The following AGR3 variants were observed in gnomAD, a reference collection of about 807,000 sequenced individuals.
The protein encoded by AGR3 is anterior gradient 3, protein disulphide isomerase family member, also known as anterior gradient protein 3.
A neutral mutation model predicts 24.5 loss-of-function variants in AGR3; 37 were observed. The ratio of observed to expected loss-of-function variants is 1.51; its 90% CI spans 1.16 to 1.99. The LOEUF (loss-of-function observed/expected upper bound fraction) is 1.99, where lower values mean the gene tolerates loss of function less well. Ranked by LOEUF, AGR3 falls within the 30% of genes most tolerant of loss-of-function variation. AGR3 has a pLI of 0.00. For synonymous variants in AGR3, 75 were observed against 61.6 expected, an observed-to-expected ratio of 1.22 and a Z score of -1.02; for missense variants, 228 against 191.1, an observed-to-expected ratio of 1.19 and a Z score of -1.14.
intron 3 of AGR3, chr7:16,864,146 C>T (rs10280750): frequency 0.11 from 62,497 of 566,334 alleles, 5,080 homozygotes; most frequent in East Asian, 0.33. Context: ...ACTACAGGAA[C>T]GGAGAATTAA....
chr7:16,879,652 C>T (rs962088354), intron 1 of AGR3, among the ~76,000 whole-genome samples: 1 of 152,160 alleles, frequency 6.6e-6, no homozygotes, highest in Admixed American at 6.5e-5. Context: ...GAACTCATCA[C>T]CAAAATAGTA....
downstream of AGR3, among the ~76,000 whole-genome samples, chr7:16,856,183 A>G (rs1228422967): frequency 2.0e-5 from 3 of 152,212 alleles, no homozygotes; most frequent in East Asian, 5.8e-4. Flanking sequence ...CTATCTTTGG[A>G]TCCACAATAT....
chr7:16,876,164 C>A (rs190109594), intron 2 of AGR3, among the ~76,000 whole-genome samples: 1 of 152,226 alleles, frequency 6.6e-6, no homozygotes, highest in African/African-American at 2.4e-5. Context: ...AGCCATATTG[C>A]ATTATAATGA....
At chr7:16,876,611 C>T (rs948928606) in intron 2 of AGR3, among the ~76,000 whole-genome samples, 2 of 152,134 alleles carry the variant, frequency 1.3e-5, no homozygotes, top group Non-Finnish European at 2.9e-5. Context: ...TTCTGAGCCT[C>T]ATTCTCTCCA....
Position 16,868,325 on chromosome 7 carries a change from T to C in AGR3, c.173+5455A>G, listed in dbSNP as rs148658562. ...CATGCACCACTATGCCTGGCTAATT[T>C]TGTATTTTTAGTAGAGATGGGGTTT... On this transcript the variant is annotated intron_variant, in intron 3 of 7. Coordinates refer to ENST00000310398, the MANE Select transcript of AGR3 (RefSeq NM_176813.5). 4.8e-3 allele frequency among the ~76,000 whole-genome samples: 736 copies of C among 152,164 alleles called. 1 individual carries two copies. The highest frequency in any genetic ancestry group is 0.017 in the African/African-American group (702 of 41,518).
chr7:16,860,459 T>C lies in AGR3; in HGVS notation c.451+41A>G, dbSNP rs185244593. On this transcript the variant is annotated intron_variant, in intron 7 of 7. Transcript: ENST00000310398. ...CTAGCCCTTAACAAATAGTCAGGGGTCAGCTATGACCACTGTTTGAGATCA... is the reference window on the plus strand; with the variant it reads ...CTAGCCCTTAACAAATAGTCAGGGGCCAGCTATGACCACTGTTTGAGATCA... 565 of 1,437,380 alleles carry C rather than the reference T, an allele frequency of 3.9e-4. 5 individuals are homozygous for C. The East Asian group carries it at 0.011, about 27-fold the overall frequency. The allele number at this position is 1,437,380 out of a possible 1,614,324, so 89.0% of individuals were successfully genotyped here.
chr7:16,873,227 C>T (rs1054229036), intron 3 of AGR3, among the ~76,000 whole-genome samples: 2 of 151,942 alleles, frequency 1.3e-5, no homozygotes, highest in Non-Finnish European at 2.9e-5. Flanking sequence ...ATAAAGAGAA[C>T]ATGTTATATA....
At chr7:16,866,083 A>G (rs1781753225) in intron 3 of AGR3, 2 of 598,030 alleles carry the variant, frequency 3.3e-6, no homozygotes, top group Non-Finnish European at 3.1e-6. Flanking sequence ...TCTAAACCAT[A>G]TATCTGTTCT....
intron 3 of AGR3, chr7:16,865,236 A>C: frequency 1.2e-6 from 1 of 803,290 alleles, no homozygotes; most frequent in East Asian, 2.4e-5. Context: ...TTTTAAAGAC[A>C]TTCTTTTTTT....
At chr7:16,879,820 C>T (rs62445070) in intron 1 of AGR3, among the ~76,000 whole-genome samples, 2,712 of 152,234 alleles carry the variant, frequency 0.018, 39 homozygotes, top group Middle Eastern at 0.044. Flanking sequence ...ATTTTAATCA[C>T]CTAGTTATTG....
At chr7:16,866,332 C>A in intron 3 of AGR3, 1 of 518,108 alleles carries the variant, frequency 1.9e-6, no homozygotes, top group South Asian at 1.5e-5. Context: ...AGTTCCCATC[C>A]ATAGTATAGG....
chr7:16,861,008 AAACCAATTTATAATCTAAAACAAATGTC>A (rs1781631182), intron 6 of AGR3, among the ~76,000 whole-genome samples: 1 of 24,284 alleles, frequency 4.1e-5, no homozygotes, highest in Non-Finnish European at 1.3e-4. Context: ...AACAAATGTC[AAACCAATTTATAATCTAAAACAAATGTC>A]AAACCAATTT....
At chr7:16,863,299 C>G (rs978420191) in intron 3 of AGR3, among the ~76,000 whole-genome samples, 1 of 152,154 alleles carries the variant, frequency 6.6e-6, no homozygotes, top group African/African-American at 2.4e-5. Context: ...TCAGGAAAGT[C>G]AAAGACTTTT....
At chr7:16,874,385 C>T (rs549802676) in intron 2 of AGR3, among the ~76,000 whole-genome samples, 8 of 152,038 alleles carry the variant, frequency 5.3e-5, no homozygotes, top group South Asian at 4.2e-4. Context: ...TAATAAAACG[C>T]ATGTGTTTTG....
At chr7:16,870,182 G>C (rs1188650514) in intron 3 of AGR3, among the ~76,000 whole-genome samples, 2 of 151,726 alleles carry the variant, frequency 1.3e-5, no homozygotes, top group African/African-American at 4.8e-5. Flanking sequence ...TTTTGTCATT[G>C]TAAATGAGGT....
At chr7:16,868,690 T>C (rs1305241407) in intron 3 of AGR3, among the ~76,000 whole-genome samples, 1 of 152,116 alleles carries the variant, frequency 6.6e-6, no homozygotes, top group Non-Finnish European at 1.5e-5. Flanking sequence ...CTTTTGTTTC[T>C]CATGTTTTTG....
intron 4 of AGR3, 68 bp downstream of exon 4, chr7:16,862,542 A>G (rs1409919006): frequency 9.9e-6 from 10 of 1,008,404 alleles, no homozygotes; most frequent in Non-Finnish European, 1.4e-5. Flanking sequence ...TATTATTACC[A>G]GGTCACTTTT....
chr7:16,864,940 T>C (rs1467313606), intron 3 of AGR3: 3 of 985,764 alleles, frequency 3.0e-6, no homozygotes, highest in African/African-American at 1.6e-5. Context: ...GAAGTCTATG[T>C]AGTTTTGGTG....
intron 3 of AGR3, among the ~76,000 whole-genome samples, chr7:16,866,512 G>C (rs1258727891): frequency 8.5e-5 from 13 of 152,144 alleles, no homozygotes; most frequent in Non-Finnish European, 1.9e-4. Context: ...CTGAGTCAGA[G>C]TGTGTGCATT....
Sources: gnomAD v4.1 joint callset for allele counts (sites outside exome capture counted in the v4.1 genomes callset) on GRCh38, gnomAD v4.1.1 for gene constraint, MANE v1.5 for transcripts, NCBI Gene and HGNC (gene_info 2026-07-23, HGNC 2026-07-21) for gene names.